NLRP1: variants seen among roughly 807,000 people sequenced by gnomAD.
The protein encoded by NLRP1 is NACHT, LRR and PYD domains-containing protein 1.
In NLRP1, 94 loss-of-function variants were observed where a neutral mutation model predicts 136.7. That is an observed-to-expected ratio of 0.69 (90% CI 0.58 to 0.82). The LOEUF is 0.82. Among genes scored for constraint, NLRP1 ranks in the 40% least tolerant of loss-of-function variants. The pLI, the probability that NLRP1 is intolerant of heterozygous loss-of-function variation, is 0.00. For synonymous variants in NLRP1, 690 were observed against 725.1 expected (o/e 0.95, Z 0.78); for missense variants, 1,575 against 1,802.7 (o/e 0.87, Z 2.29).
downstream of NLRP1, chr17:5,513,989 C>T (rs1298856989): frequency 6.6e-6 from 1 of 152,174 alleles, no homozygotes. Flanking sequence ...GGGGGAAGAA[C>T]CTTCAGTTCC....
intron 4 of NLRP1, among the ~76,000 whole-genome samples, chr17:5,554,230 G>C (rs1913754604): frequency 6.6e-6 from 1 of 152,164 alleles, no homozygotes; most frequent in Admixed American, 6.5e-5. Flanking sequence ...CCCTAGGAGA[G>C]AATATTTGCA....
chr17:5,539,072 T>C (rs565232604), intron 7 of NLRP1, among the ~76,000 whole-genome samples: 19 of 152,208 alleles, frequency 1.2e-4, no homozygotes, highest in Admixed American at 2.6e-4. Context: ...GGTTTCAGCA[T>C]GTTGGCCAGG....
chr17:5,524,081 G>A (rs140207513), intron 12 of NLRP1, among the ~76,000 whole-genome samples: 1,826 of 152,172 alleles, frequency 0.012, 19 homozygotes, highest in Middle Eastern at 0.048. Context: ...GCACCACTGC[G>A]CCTGGCTTTT....
rs1458898406 is a variant in NLRP1, at chr17:5,514,340, A to G, written c.*414T>C. On this transcript the variant is annotated 3_prime_UTR_variant, in exon 17 of 17. Coordinates refer to ENST00000572272, the MANE Select transcript of NLRP1 (RefSeq NM_033004.4). Reference sequence around the variant, plus strand: ...TGCTCTTGTAGATCTTCCTGTACAAAGCCAAGAATCCACGTGGCCTCCCAC... The same window carrying G: ...TGCTCTTGTAGATCTTCCTGTACAAGGCCAAGAATCCACGTGGCCTCCCAC... 1 of 960,156 alleles carries G rather than the reference A, an allele frequency of 1.0e-6. No homozygotes were observed. Among genetic ancestry groups the G allele is most frequent in the Admixed American group, 5.0e-5 (1 of 20,004 alleles). 59.5% of individuals were successfully genotyped at this position (960,156 alleles called of 1,614,324 possible). A position where few individuals can be genotyped will look rare whatever the true frequency, so the allele number is the denominator to read the frequency against.
At chr17:5,511,705 CCCCTCCTCGCGTAGGT>C (rs1907640871), downstream of NLRP1, among the ~76,000 whole-genome samples, 1 of 152,052 alleles carries the variant, frequency 6.6e-6, no homozygotes, top group South Asian at 2.1e-4. Context: ...GTTGGCGGAG[CCCCTCCTCGCGTAGGT>C]CCTTCCTTCT....
intron 15 of NLRP1, among the ~76,000 whole-genome samples, chr17:5,507,127 A>G (rs1175332701): frequency 6.6e-6 from 1 of 152,146 alleles, no homozygotes; most frequent in Non-Finnish European, 1.5e-5. Context: ...TAATGGGTAC[A>G]TAATTTCAAT....
At chr17:5,573,236 G>C (rs1904621941) in intron 3 of NLRP1, among the ~76,000 whole-genome samples, 1 of 152,204 alleles carries the variant, frequency 6.6e-6, no homozygotes, top group Non-Finnish European at 1.5e-5. Flanking sequence ...AGCAGTCTGA[G>C]ATTGAACAGC....
At chr17:5,580,988 G>A (rs1322615013) in intron 3 of NLRP1, among the ~76,000 whole-genome samples, 1 of 152,064 alleles carries the variant, frequency 6.6e-6, no homozygotes, top group African/African-American at 2.4e-5. Flanking sequence ...TTTGTTACAT[G>A]GCTTCTTTTT....
chr17:5,506,902 C>CAAA (rs199684717), intron 15 of NLRP1, among the ~76,000 whole-genome samples: 16 of 88,752 alleles, frequency 1.8e-4, no homozygotes, highest in Non-Finnish European at 2.4e-4. Context: ...AACTCCATCT[C>CAAA]AAAAAAAAAA....
intron 4 of NLRP1, among the ~76,000 whole-genome samples, chr17:5,554,632 G>A (rs1305941363): frequency 2.0e-5 from 3 of 152,164 alleles, no homozygotes; most frequent in African/African-American, 7.2e-5. Flanking sequence ...TGCTGCAGAG[G>A]GGTATGTGAG....
chr17:5,559,527 G>A lies in NLRP1; in HGVS notation c.1169C>T (p.Ala390Val). ...GATCTGTCTAATGGGAGCCGGAGTGGCTGTCCCATCTTTTCCGATGAGCTC... is the reference window on the plus strand; with the variant it reads ...GATCTGTCTAATGGGAGCCGGAGTGACTGTCCCATCTTTTCCGATGAGCTC... ...LAELIGKDGT[A>V]TPAPIRQILS... The change falls in exon 4 of 17, where the codon GCC (alanine) becomes GTC (valine). Residue 390 changes from alanine to valine, a missense_variant. Physicochemically the swap from Ala to Val is moderately conservative, Grantham distance 64. Coordinates refer to ENST00000572272, the MANE Select transcript of NLRP1 (RefSeq NM_033004.4). The A allele has an allele frequency of 6.2e-7, 1 of 1,614,134 alleles. No homozygotes were observed. The highest frequency in any genetic ancestry group is 8.5e-7 in the Non-Finnish European group (1 of 1,179,976).
intron 7 of NLRP1, among the ~76,000 whole-genome samples, chr17:5,538,219 G>A (rs76653215): frequency 0.014 from 2,190 of 152,246 alleles, 54 homozygotes; most frequent in African/African-American, 0.05. Flanking sequence ...TCATGGGCTT[G>A]CTCCCAGGGA....
intron 5 of NLRP1, among the ~76,000 whole-genome samples, chr17:5,542,545 C>T (rs536932307): frequency 2.0e-5 from 3 of 152,128 alleles, no homozygotes; most frequent in Non-Finnish European, 4.4e-5. Context: ...CATCTTGCCT[C>T]GTCTCTCCAC....
chr17:5,566,457 T>C (rs1350856164), intron 3 of NLRP1, among the ~76,000 whole-genome samples: 1 of 152,124 alleles, frequency 6.6e-6, no homozygotes, highest in Non-Finnish European at 1.5e-5. Flanking sequence ...AATTTTCATG[T>C]ATTTATGTAG....
At chr17:5,507,141 G>C (rs1431050186) in intron 15 of NLRP1, among the ~76,000 whole-genome samples, 1 of 152,118 alleles carries the variant, frequency 6.6e-6, no homozygotes, top group Admixed American at 6.6e-5. Context: ...TTTCAATTAA[G>C]GAAGATGAAA....
intron 15 of NLRP1, among the ~76,000 whole-genome samples, chr17:5,508,730 G>T (rs1161604942): frequency 6.6e-6 from 1 of 152,138 alleles, no homozygotes; most frequent in East Asian, 1.9e-4. Flanking sequence ...TGCTTGTGAT[G>T]ATCTAAATCA....
chr17:5,531,732 A>G (rs62072731), intron 11 of NLRP1, among the ~76,000 whole-genome samples: 16,635 of 152,198 alleles, frequency 0.11, 961 homozygotes, highest in Middle Eastern at 0.13. Context: ...ATAAGAGATC[A>G]TGAGTATGAC....
intron 5 of NLRP1, among the ~76,000 whole-genome samples, chr17:5,543,998 G>T (rs746927347): frequency 3.3e-5 from 5 of 152,304 alleles, no homozygotes; most frequent in Admixed American, 6.5e-5. Flanking sequence ...TTAATGCTCT[G>T]TGGTGGCCAT....
chr17:5,517,323 T>C (rs1302988441), intron 15 of NLRP1, among the ~76,000 whole-genome samples: 1 of 134,350 alleles, frequency 7.4e-6, no homozygotes, highest in African/African-American at 2.8e-5. Context: ...TTTCTTCTCA[T>C]CAATAAACTG....
Sources: allele counts gnomAD v4.1 joint callset (sites outside exome capture counted in the v4.1 genomes callset), GRCh38; gene constraint gnomAD v4.1.1; transcripts MANE v1.5; gene names NCBI Gene and HGNC (gene_info 2026-07-23, HGNC 2026-07-21).